Variants in PCLO observed in about 807,000 individuals in gnomAD.
The protein encoded by PCLO is protein piccolo.
PCLO carries 82 observed loss-of-function variants against 427.5 expected under a neutral mutation model. That is an observed-to-expected ratio of 0.19 (90% CI 0.16 to 0.23). The LOEUF is 0.23. Among genes scored for constraint, PCLO ranks in the 10% least tolerant of loss-of-function variants. The pLI is 1.00. For missense variants in PCLO, 6,239 were observed against 6,115.9 expected (o/e 1.02, Z -0.67); for synonymous variants, 2,357 against 2,155.4 (o/e 1.09, Z -2.59).
chr7:83,049,767 G>A (rs1388936620), intron 3 of PCLO, among the ~76,000 whole-genome samples: 1 of 151,980 alleles, frequency 6.6e-6, no homozygotes, highest in Non-Finnish European at 1.5e-5. Context: ...GGTTAGCTGG[G>A]CCTACTGCAG....
chr7:82,879,595 C>A, intron 9 of PCLO, 133 bp from the exon 10 acceptor site: 1 of 622,200 alleles, frequency 1.6e-6, no homozygotes, highest in South Asian at 2.2e-5. Context: ...AAATGAACAC[C>A]AAAACCAAAG....
At chr7:83,132,198 T>C (rs752380891) in intron 3 of PCLO, among the ~76,000 whole-genome samples, 10 of 152,280 alleles carry the variant, frequency 6.6e-5, no homozygotes, top group East Asian at 1.9e-4. Flanking sequence ...TACATTAGCA[T>C]AGTCAAGGTA....
intron 3 of PCLO, among the ~76,000 whole-genome samples, 185 bp downstream of exon 3, chr7:83,134,065 A>G (rs1305063143): frequency 6.6e-6 from 1 of 151,696 alleles, no homozygotes; most frequent in Non-Finnish European, 1.5e-5. Flanking sequence ...AAGTACAAAT[A>G]ACATGAACTC....
intron 3 of PCLO, among the ~76,000 whole-genome samples, chr7:83,063,373 T>C (rs908572891): frequency 3.3e-5 from 5 of 152,110 alleles, no homozygotes; most frequent in Non-Finnish European, 5.9e-5. Context: ...CCCTGTTTTA[T>C]GATGTCTGAC....
At chr7:83,147,778 T>A (rs1456804401) in intron 2 of PCLO, among the ~76,000 whole-genome samples, 1 of 152,136 alleles carries the variant, frequency 6.6e-6, no homozygotes, top group East Asian at 1.9e-4. Context: ...AATAAAAAAA[T>A]AGTGCATAAA....
At chr7:82,828,896 C>T (rs1000847565) in intron 16 of PCLO, among the ~76,000 whole-genome samples, 6 of 152,124 alleles carry the variant, frequency 3.9e-5, no homozygotes, top group Admixed American at 3.3e-4. Context: ...CACTAGAGTC[C>T]TGTAAACCAA....
chr7:82,766,899 T>C (rs1790542810), intron 22 of PCLO, among the ~76,000 whole-genome samples: 1 of 152,186 alleles, frequency 6.6e-6, no homozygotes, highest in African/African-American at 2.4e-5. Flanking sequence ...TGTTCAAAGA[T>C]TGAACGAGCT....
intron 22 of PCLO, among the ~76,000 whole-genome samples, chr7:82,763,670 C>T (rs913577288): frequency 6.6e-6 from 1 of 152,016 alleles, no homozygotes; most frequent in Non-Finnish European, 1.5e-5. Flanking sequence ...TATAACATAT[C>T]TCTCCTCGCT....
chr7:82,784,104 T>C (rs1255900003), intron 22 of PCLO, among the ~76,000 whole-genome samples: 1 of 152,202 alleles, frequency 6.6e-6, no homozygotes, highest in Non-Finnish European at 1.5e-5. Context: ...CCTTTTTCTC[T>C]TCAGAATATT....
intron 7 of PCLO, among the ~76,000 whole-genome samples, chr7:82,909,775 T>C (rs1794278068): frequency 6.6e-6 from 1 of 152,106 alleles, no homozygotes; most frequent in African/African-American, 2.4e-5. Context: ...ACCTCTATTG[T>C]AATTGTTAAA....
rs999559198 is a variant in PCLO at position 82,913,219 on chromosome 7, T to C, written c.13300+1467A>G. Among the ~76,000 whole-genome samples, 31 of 151,978 alleles carry C rather than the reference T, an allele frequency of 2.0e-4. 1 individual carries two copies. The highest frequency in any genetic ancestry group is 7.2e-4 in the African/African-American group (30 of 41,438). On this transcript the variant is annotated intron_variant, in intron 7 of 24. Coordinates refer to ENST00000333891, the MANE Select transcript of PCLO (RefSeq NM_033026.6). ...AGACGAAAACAAATCAGAAAATGAC[T>C]AATCTATTGGAATTTCACAAACAAA...
At chr7:82,855,710 C>G (rs1328251430) in intron 10 of PCLO, among the ~76,000 whole-genome samples, 1 of 152,066 alleles carries the variant, frequency 6.6e-6, no homozygotes, top group Non-Finnish European at 1.5e-5. Context: ...TTTTCCCCAT[C>G]TCACTCCCAG....
intron 6 of PCLO, among the ~76,000 whole-genome samples, chr7:82,925,624 A>C (rs961937458): frequency 1.3e-5 from 2 of 150,902 alleles, no homozygotes; most frequent in African/African-American, 4.9e-5. Context: ...ATTATTAAGC[A>C]CCATCCCTCT....
In PCLO at chr7:82,999,801, A is replaced by AATATTATATATAAAATATAATAT. The variant is rs1222170345; in HGVS notation, c.3301-33337_3301-33315dup. On this transcript the variant is annotated intron_variant, in intron 3 of 24. Coordinates refer to ENST00000333891, the MANE Select transcript of PCLO (RefSeq NM_033026.6). ...ATATTATATATAAAATATAATATAT[A>AATATTATATATAAAATATAATAT]ATATTATATATAAAATATAATATAT... Among the ~76,000 whole-genome samples, 774 of 110,694 alleles carry AATATTATATATAAAATATAATAT rather than the reference A, an allele frequency of 7.0e-3. 219 individuals carry two copies. The highest frequency in any genetic ancestry group is 0.011 in the Non-Finnish European group (589 of 54,824). The allele number at this position is 110,694 out of a possible 152,430, so 72.6% of individuals were successfully genotyped here.
chr7:82,863,158 A>G (rs1793007394), intron 10 of PCLO, among the ~76,000 whole-genome samples: 1 of 152,004 alleles, frequency 6.6e-6, no homozygotes, highest in South Asian at 2.1e-4. Context: ...TAAAAATTAA[A>G]AAGTTATACT....
intron 3 of PCLO, among the ~76,000 whole-genome samples, chr7:83,057,092 A>T (rs956160549): frequency 1.3e-5 from 2 of 150,214 alleles, no homozygotes; most frequent in Non-Finnish European, 3.0e-5. Context: ...ATATATATAT[A>T]TATTTTTTTG....
chr7:83,053,387 T>C (rs1022914119), intron 3 of PCLO, among the ~76,000 whole-genome samples: 2 of 151,988 alleles, frequency 1.3e-5, no homozygotes, highest in East Asian at 3.9e-4. Context: ...AATCAACAAT[T>C]ACACAGAATT....
intron 10 of PCLO, among the ~76,000 whole-genome samples, chr7:82,872,601 T>C (rs1300502650): frequency 6.6e-6 from 1 of 152,050 alleles, no homozygotes. Flanking sequence ...AGATTGATAG[T>C]CATTATAACA....
At chr7:82,849,186 T>A (rs1792583718) in intron 10 of PCLO, among the ~76,000 whole-genome samples, 1 of 152,146 alleles carries the variant, frequency 6.6e-6, no homozygotes, top group South Asian at 2.1e-4. Context: ...ACCTGTTCAT[T>A]CTTCACATCC....
Sources: allele counts gnomAD v4.1 joint callset (sites outside exome capture counted in the v4.1 genomes callset), GRCh38; gene constraint gnomAD v4.1.1; transcripts MANE v1.5; gene names NCBI Gene and HGNC (gene_info 2026-07-23, HGNC 2026-07-21).